PRR5L: variants seen among roughly 807,000 people sequenced by gnomAD.
PRR5L encodes proline-rich protein 5-like.
In PRR5L, 21 loss-of-function variants were observed where a neutral mutation model predicts 36.4. The ratio of observed to expected loss-of-function variants is 0.58; its 90% confidence interval spans 0.41 to 0.83. The LOEUF is 0.83. Among genes scored for constraint, PRR5L ranks in the 40% least tolerant of loss-of-function variants. The probability of loss-of-function intolerance (pLI) is 0.00; values close to 1 mark genes in which losing one functional copy is unlikely to be tolerated. For missense variants in PRR5L, 381 were observed against 473.3 expected, an observed-to-expected ratio of 0.80 and a Z score of 1.81; for synonymous variants, 188 against 197.0, an observed-to-expected ratio of 0.95 and a Z score of 0.38.
chr11:36,334,804 G>T (rs1383607807), intron 1 of PRR5L, among the ~76,000 whole-genome samples: 3 of 152,162 alleles, frequency 2.0e-5, no homozygotes, highest in Non-Finnish European at 2.9e-5. Flanking sequence ...TAGCAAGGCA[G>T]AAGGAACTAA....
chr11:36,439,254 T>C (rs1858670739), intron 6 of PRR5L, among the ~76,000 whole-genome samples: 1 of 151,764 alleles, frequency 6.6e-6, no homozygotes, highest in African/African-American at 2.4e-5. Context: ...AATTCCAGGG[T>C]GCAGGTGTCC....
intron 4 of PRR5L, among the ~76,000 whole-genome samples, chr11:36,423,728 C>A (rs115159658): frequency 1.3e-5 from 2 of 152,054 alleles, no homozygotes; most frequent in African/African-American, 4.8e-5. Context: ...ACAAGTGGAG[C>A]GGGGATCTGG....
At chr11:36,329,550 G>A (rs1856697988) in intron 1 of PRR5L, among the ~76,000 whole-genome samples, 1 of 152,118 alleles carries the variant, frequency 6.6e-6, no homozygotes, top group Non-Finnish European at 1.5e-5. Context: ...TTCCCATTTT[G>A]CTCAAAGATA....
At chr11:36,331,830 G>T (rs945294721) in intron 1 of PRR5L, among the ~76,000 whole-genome samples, 3 of 152,146 alleles carry the variant, frequency 2.0e-5, no homozygotes, top group Non-Finnish European at 4.4e-5. Context: ...TCAAAGAGGT[G>T]GTTATAATTT....
chr11:36,397,754 C>A (rs192422790), intron 1 of PRR5L, among the ~76,000 whole-genome samples: 45 of 151,540 alleles, frequency 3.0e-4, no homozygotes, highest in African/African-American at 1.0e-3. Flanking sequence ...CTAGCCAATG[C>A]CTTCTTAATT....
intron 3 of PRR5L, among the ~76,000 whole-genome samples, chr11:36,417,486 C>T (rs1234276053): frequency 1.3e-5 from 2 of 152,168 alleles, no homozygotes; most frequent in South Asian, 2.1e-4. Flanking sequence ...GCTTCCCTCT[C>T]GGATCAGACC....
rs576291264 is a variant in PRR5L at position 36,422,334 on chromosome 11, C to T, written c.294+3031C>T. 2.0e-5 allele frequency among the ~76,000 whole-genome samples: 3 copies of T among 152,216 alleles called. No homozygotes were observed. In the South Asian group the frequency reaches 6.2e-4, roughly 32 times the overall value. ...GAGGAACTCCAGAAAGTGTGTTCCT[C>T]CAGTAAAGGGGCAGAAGGAAGGCCT... On this transcript the variant is annotated intron_variant, in intron 4 of 8. Coordinates refer to ENST00000530639, the MANE Select transcript of PRR5L (RefSeq NM_001160167.2).
At chr11:36,383,232 C>T (rs1857400917) in intron 1 of PRR5L, among the ~76,000 whole-genome samples, 1 of 152,190 alleles carries the variant, frequency 6.6e-6, no homozygotes, top group Non-Finnish European at 1.5e-5. Flanking sequence ...CCACAGGCCT[C>T]TGGAGTTTAA....
chr11:36,368,405 A>G (rs1031546786), intron 1 of PRR5L, among the ~76,000 whole-genome samples: 1 of 152,212 alleles, frequency 6.6e-6, no homozygotes, highest in Non-Finnish European at 1.5e-5. Context: ...CAGTCATGCC[A>G]TGAGTGTGGG....
chr11:36,423,893 T>G (rs1172477209), intron 4 of PRR5L, among the ~76,000 whole-genome samples: 2 of 152,148 alleles, frequency 1.3e-5, no homozygotes. Flanking sequence ...GGGGCGAGAA[T>G]GAGGGGGAGC....
At chr11:36,334,023 TG>T (rs35838670) in intron 1 of PRR5L, among the ~76,000 whole-genome samples, 15,693 of 152,172 alleles carry the variant, frequency 0.1, 1,545 homozygotes, top group African/African-American at 0.27. Flanking sequence ...TGGTCCAAGA[TG>T]GGTAGCATCT....
At chr11:36,438,022 C>T (rs1294069909) in intron 6 of PRR5L, among the ~76,000 whole-genome samples, 1 of 152,158 alleles carries the variant, frequency 6.6e-6, no homozygotes, top group Non-Finnish European at 1.5e-5. Flanking sequence ...AGTCATTTAT[C>T]TTCTGTGAGC....
At chr11:36,368,072 G>A (rs1857162558) in intron 1 of PRR5L, among the ~76,000 whole-genome samples, 1 of 152,110 alleles carries the variant, frequency 6.6e-6, no homozygotes, top group Non-Finnish European at 1.5e-5. Context: ...GACCGTGAGA[G>A]TAAGTGGCTG....
Position 36,451,258 on chromosome 11 carries a change from A to T in PRR5L, c.635A>T (p.Glu212Val). The T allele has an allele frequency of 6.2e-7, 1 of 1,614,142 alleles. No homozygotes were observed. Among genetic ancestry groups the T allele is most frequent in the Non-Finnish European group, 8.5e-7 (1 of 1,180,020 alleles). The part of the protein sequence containing the change: ...GPSESYLQLE[E>V]LVKQVVSPFL... ...AGTGAGAGTTATTTGCAACTGGAGG[A>T]GCTGGTGAAGCAAGTGGTTTCTCCT... Residue 212 changes from glutamate (E) to valine (V), a missense_variant, in exon 8 of 9, where the codon GAG (glutamate) becomes GTG (valine). By Grantham distance (121) the Glu-to-Val change is moderately radical. Transcript: ENST00000530639.
At chr11:36,441,583 G>A (rs1413413944) in intron 6 of PRR5L, among the ~76,000 whole-genome samples, 1 of 152,186 alleles carries the variant, frequency 6.6e-6, no homozygotes, top group East Asian at 1.9e-4. Flanking sequence ...GGCTCAGGGT[G>A]CAAGCCGGTG....
At chr11:36,299,912 G>A (rs1009940447) in intron 1 of PRR5L, among the ~76,000 whole-genome samples, 4 of 152,058 alleles carry the variant, frequency 2.6e-5, no homozygotes, top group Admixed American at 6.5e-5. Flanking sequence ...ACACTTCATC[G>A]CTGCTTGCAC....
At chr11:36,376,152 A>C (rs748109097) in intron 1 of PRR5L, 1 of 1,304,980 alleles carries the variant, frequency 7.7e-7, no homozygotes, top group South Asian at 1.2e-5. Context: ...AAATTGTTGA[A>C]CTGGATGTAA....
chr11:36,455,639 T>C (rs1859040335), intron 8 of PRR5L, among the ~76,000 whole-genome samples: 2 of 152,120 alleles, frequency 1.3e-5, no homozygotes, highest in South Asian at 2.1e-4. Context: ...AGTCCCTTAG[T>C]GGGAGATTCC....
At chr11:36,414,104 G>A (rs11033605) in intron 3 of PRR5L, among the ~76,000 whole-genome samples, 11,485 of 141,228 alleles carry the variant, frequency 0.081, 560 homozygotes, top group African/African-American at 0.13. Flanking sequence ...TTCTTAATCC[G>A]GTCTATCATT....
Sources: allele counts gnomAD v4.1 joint callset (sites outside exome capture counted in the v4.1 genomes callset), GRCh38; gene constraint gnomAD v4.1.1; transcripts MANE v1.5; gene names NCBI Gene and HGNC (gene_info 2026-07-23, HGNC 2026-07-21).